CACUL1: variants seen among roughly 807,000 people sequenced by gnomAD.
CACUL1 encodes CDK2-associated and cullin domain-containing protein 1.
CACUL1 carries 13 observed loss-of-function variants against 45.2 expected under a neutral mutation model. The ratio of observed to expected loss-of-function variants is 0.29; its 90% confidence interval spans 0.19 to 0.46. The LOEUF is 0.46. CACUL1 is among the 20% of genes least tolerant of loss of function. The probability of loss-of-function intolerance (pLI) is 1.00; values close to 1 mark genes in which losing one functional copy is unlikely to be tolerated. For synonymous variants in CACUL1, 197 were observed against 174.2 expected, an observed-to-expected ratio of 1.13 and a Z score of -1.03; for missense variants, 421 against 471.4, an observed-to-expected ratio of 0.89 and a Z score of 0.99.
chr10:118,686,388 G>A (rs1045180220), intron 8 of CACUL1, among the ~76,000 whole-genome samples: 9 of 152,178 alleles, frequency 5.9e-5, no homozygotes, highest in African/African-American at 2.2e-4. Flanking sequence ...AGAAACTAAA[G>A]AACCTGGTGG....
chr10:118,728,395 C>G (rs1409459149), intron 3 of CACUL1, among the ~76,000 whole-genome samples: 1 of 149,866 alleles, frequency 6.7e-6, no homozygotes, highest in Non-Finnish European at 1.5e-5. Flanking sequence ...CCAACTGCAA[C>G]CTCCGCCTCC....
At chr10:118,749,553 A>G (rs2119684239) in intron 1 of CACUL1, among the ~76,000 whole-genome samples, 1 of 152,382 alleles carries the variant, frequency 6.6e-6, no homozygotes, top group East Asian at 1.9e-4. Context: ...TCACAGACAC[A>G]GAAATGCTGG....
At chr10:118,686,534 G>A (rs772124268) in intron 8 of CACUL1, 64 bp downstream of exon 8, 153 of 1,197,520 alleles carry the variant, frequency 1.3e-4, no homozygotes, top group Non-Finnish European at 1.7e-4. Context: ...TGTTATCACA[G>A]TGCATTAATA....
At chr10:118,746,742 A>C (rs1845846720) in intron 1 of CACUL1, among the ~76,000 whole-genome samples, 1 of 152,252 alleles carries the variant, frequency 6.6e-6, no homozygotes, top group Non-Finnish European at 1.5e-5. Flanking sequence ...TAAACACATT[A>C]AGACAAACAA....
At chr10:118,721,472 G>A (rs995346464) in intron 3 of CACUL1, among the ~76,000 whole-genome samples, 2 of 151,928 alleles carry the variant, frequency 1.3e-5, no homozygotes, top group African/African-American at 2.4e-5. Flanking sequence ...TTATTAAAAT[G>A]GTTTAAATGT....
Position 118,754,733 on chromosome 10 carries a change from C to T in CACUL1, c.30G>A (p.Gly10=), listed in dbSNP as rs532582367. The change falls in exon 1 of 9, where the codon GGG becomes GGA. Residue 10 remains glycine (G), a synonymous_variant. Coordinates refer to ENST00000369151, the MANE Select transcript of CACUL1 (RefSeq NM_153810.5). ...CGTCCATCATCGCCTCGTAGCTGCC[C>T]CCCTCCTCCTCTTCCATGCTTTCCT... MEESMEEEE[G]GSYEAMMDDQ... is the part of the protein sequence containing the mutation. The T allele has an allele frequency of 1.4e-5, 22 of 1,601,116 alleles. No homozygotes were observed. The African/African-American group carries it at 2.3e-4, about 17-fold the overall frequency.
chr10:118,740,472 T>C (rs1845781614), intron 1 of CACUL1, among the ~76,000 whole-genome samples: 1 of 151,848 alleles, frequency 6.6e-6, no homozygotes, highest in South Asian at 2.1e-4. Context: ...TAGCCAGGCA[T>C]GGTGGCACAT....
chr10:118,751,377 G>A (rs1244143406), intron 1 of CACUL1, among the ~76,000 whole-genome samples: 1 of 151,928 alleles, frequency 6.6e-6, no homozygotes, highest in African/African-American at 2.4e-5. Context: ...TTCACATTTA[G>A]GTCTTTAATT....
At chr10:118,750,733 G>C (rs12412407) in intron 1 of CACUL1, among the ~76,000 whole-genome samples, 1 of 152,000 alleles carries the variant, frequency 6.6e-6, no homozygotes, top group Non-Finnish European at 1.5e-5. Flanking sequence ...GCAAGTATAC[G>C]TTTTCCTGTA....
intron 5 of CACUL1, among the ~76,000 whole-genome samples, chr10:118,697,338 G>T (rs1845333031): frequency 6.6e-6 from 1 of 152,204 alleles, no homozygotes; most frequent in South Asian, 2.1e-4. Context: ...AGAAGTTTGA[G>T]AACTTGTGTT....
chr10:118,687,283 A>G (rs1383103670), intron 7 of CACUL1, among the ~76,000 whole-genome samples: 1 of 152,076 alleles, frequency 6.6e-6, no homozygotes, highest in Non-Finnish European at 1.5e-5. Flanking sequence ...CTTCCTCTCT[A>G]CGCTTCAGAT....
intron 1 of CACUL1, among the ~76,000 whole-genome samples, chr10:118,742,511 T>C (rs770931759): frequency 3.3e-5 from 5 of 152,026 alleles, no homozygotes; most frequent in Admixed American, 2.0e-4. Context: ...GGTCAAAAAA[T>C]AGCAAGACAA....
chr10:118,727,403 TAA>T (rs11454535), intron 3 of CACUL1, among the ~76,000 whole-genome samples: 1 of 144,542 alleles, frequency 6.9e-6, no homozygotes. Flanking sequence ...TCAAAAAAAT[TAA>T]AAAAAAAAAA....
intron 6 of CACUL1, 30 bp downstream of exon 6, chr10:118,695,111 C>T (rs768393011): frequency 7.0e-6 from 9 of 1,289,404 alleles, no homozygotes; most frequent in Non-Finnish European, 1.0e-5. Flanking sequence ...ACAAACAGTT[C>T]CAATCCCAAC....
rs766407749 is a variant in CACUL1 at position 118,701,313 on chromosome 10, G to A, written c.789C>T (p.Ser263=). ...TEHVAEKHIY[S]LMPLLLEAQS... is the part of the protein sequence containing the mutation. ...ATAAGCTGAATTACTTACGCATTAGGCTGTAAATGTGCTTTTCTGCAACAT... is the reference window on the plus strand; with the variant it reads ...ATAAGCTGAATTACTTACGCATTAGACTGTAAATGTGCTTTTCTGCAACAT... The change falls in exon 5 of 9, where the codon AGC becomes AGT. Residue 263 remains serine (S), a synonymous_variant. Transcript: ENST00000369151. The A allele has an allele frequency of 2.6e-6, 4 of 1,539,646 alleles. No individual in the cohort carries two copies. The East Asian group carries it at 6.8e-5, about 26-fold the overall frequency.
chr10:118,712,916 C>T (rs943029130), intron 3 of CACUL1, among the ~76,000 whole-genome samples: 3 of 152,206 alleles, frequency 2.0e-5, no homozygotes, highest in African/African-American at 7.2e-5. Context: ...GGACTGGCAG[C>T]CTGGCTCCCA....
At chr10:118,743,686 G>T (rs544634175) in intron 1 of CACUL1, among the ~76,000 whole-genome samples, 3 of 151,842 alleles carry the variant, frequency 2.0e-5, no homozygotes, top group Non-Finnish European at 4.4e-5. Flanking sequence ...CTGAGATCGC[G>T]CCACTGCACT....
Position 118,754,401 on chromosome 10 carries a change from TTGGAGGTGGAGGTGTTGATGTTGATGG to T in CACUL1, c.335_361del (p.Thr112_Ser120del). On this transcript the variant is annotated inframe_deletion, in exon 1 of 9. Coordinates refer to ENST00000369151, the MANE Select transcript of CACUL1 (RefSeq NM_153810.5). ...CAGGGAAAGGCTGGACTCACAGAAC[TTGGAGGTGGAGGTGTTGATGTTGATGG>T]TGGAGCTGGCGGTGGGGGCGGGGGC... is the stretch of plus-strand genomic sequence containing the variant. 1 of 1,560,910 alleles carries T rather than the reference TTGGAGGTGGAGGTGTTGATGTTGATGG, an allele frequency of 6.4e-7. No homozygotes were observed. Among genetic ancestry groups the T allele is most frequent in the Non-Finnish European group, 8.7e-7 (1 of 1,154,148 alleles).
At chr10:118,746,038 G>C (rs1160741666) in intron 1 of CACUL1, among the ~76,000 whole-genome samples, 1 of 151,372 alleles carries the variant, frequency 6.6e-6, no homozygotes, top group Non-Finnish European at 1.5e-5. Context: ...TGTAGTCCCA[G>C]CTACTCAGGA....
Sources: allele counts gnomAD v4.1 joint callset (sites outside exome capture counted in the v4.1 genomes callset), GRCh38; gene constraint gnomAD v4.1.1; transcripts MANE v1.5; gene names NCBI Gene and HGNC (gene_info 2026-07-23, HGNC 2026-07-21).